Variants in DPP10 observed in about 807,000 individuals in gnomAD.
The protein encoded by DPP10 is inactive dipeptidyl peptidase 10.
DPP10 carries 33 observed loss-of-function variants against 120.9 expected under a neutral mutation model. The observed-to-expected ratio is 0.27, with a 90% confidence interval of 0.21 to 0.37. The LOEUF is 0.37. Ranked by LOEUF, DPP10 falls within the 10% of genes least tolerant of loss-of-function variation. The pLI is 1.00. For synonymous variants in DPP10, 337 were observed against 326.1 expected (o/e 1.03, Z -0.36); for missense variants, 816 against 942.8 (o/e 0.87, Z 1.76).
intron 1 of DPP10, among the ~76,000 whole-genome samples, chr2:114,679,885 A>G (rs1029949943): frequency 2.0e-5 from 3 of 152,000 alleles, no homozygotes; most frequent in Non-Finnish European, 4.4e-5. Flanking sequence ...TTCAGCATAG[A>G]AAACCTCTAG....
At chr2:115,179,938 T>G (rs2105133032) in intron 1 of DPP10, among the ~76,000 whole-genome samples, 1 of 152,348 alleles carries the variant, frequency 6.6e-6, no homozygotes, top group South Asian at 2.1e-4. Flanking sequence ...GTTATTTCTT[T>G]TAAGATTCTG....
intron 1 of DPP10, among the ~76,000 whole-genome samples, chr2:115,024,122 A>G (rs1280085949): frequency 6.6e-6 from 1 of 152,120 alleles, no homozygotes; most frequent in African/African-American, 2.4e-5. Flanking sequence ...TTATTCAGGT[A>G]ACCAAACACC....
chr2:114,810,911 T>C (rs1206105976), intron 1 of DPP10, among the ~76,000 whole-genome samples: 3 of 152,284 alleles, frequency 2.0e-5, no homozygotes, highest in South Asian at 4.1e-4. Flanking sequence ...GAAGACTCTT[T>C]GGATAACACA....
At chr2:114,965,343 G>T (rs1291834176) in intron 1 of DPP10, among the ~76,000 whole-genome samples, 1 of 151,976 alleles carries the variant, frequency 6.6e-6, no homozygotes, top group Non-Finnish European at 1.5e-5. Context: ...CACCATGTTG[G>T]CCAGGATGGT....
At chr2:115,316,836 G>C (rs989271746) in intron 2 of DPP10, among the ~76,000 whole-genome samples, 1 of 152,154 alleles carries the variant, frequency 6.6e-6, no homozygotes, top group Non-Finnish European at 1.5e-5. Flanking sequence ...GGTGGGGTTT[G>C]GTGGCTCATG....
chr2:115,274,941 G>A (rs12619497), intron 1 of DPP10, among the ~76,000 whole-genome samples: 5,516 of 152,114 alleles, frequency 0.036, 212 homozygotes, highest in East Asian at 0.19. Flanking sequence ...TCAGCACCTC[G>A]CACAGGGTTC....
chr2:114,928,539 A>G (rs952779997), intron 1 of DPP10, among the ~76,000 whole-genome samples: 2 of 152,132 alleles, frequency 1.3e-5, no homozygotes, highest in East Asian at 1.9e-4. Flanking sequence ...GCTGGGTGCA[A>G]TCCCCCTGGC....
At chr2:114,455,038 G>T (rs555541374) in intron 1 of DPP10, among the ~76,000 whole-genome samples, 6 of 152,104 alleles carry the variant, frequency 3.9e-5, no homozygotes, top group African/African-American at 1.4e-4. Context: ...TTCTTTCATA[G>T]TATTAATGTT....
chr2:115,027,967 T>G (rs1323158976), intron 1 of DPP10, among the ~76,000 whole-genome samples: 1 of 152,066 alleles, frequency 6.6e-6, no homozygotes, highest in Non-Finnish European at 1.5e-5. Context: ...CCTTTTTCAT[T>G]TCTAATTTTA....
chr2:115,789,145 G>T (rs1305489347), intron 17 of DPP10, among the ~76,000 whole-genome samples: 1 of 151,814 alleles, frequency 6.6e-6, no homozygotes, highest in African/African-American at 2.4e-5. Flanking sequence ...AAAAAATAAG[G>T]CGAGTATTGA....
At chr2:115,520,045 G>A (rs967583985) in intron 4 of DPP10, among the ~76,000 whole-genome samples, 3 of 152,158 alleles carry the variant, frequency 2.0e-5, no homozygotes, top group Admixed American at 1.3e-4. Context: ...ATGGCCGGGC[G>A]TCATGGCTCA....
At chr2:115,572,227 T>G (rs80151902) in intron 5 of DPP10, among the ~76,000 whole-genome samples, 2 of 149,866 alleles carry the variant, frequency 1.3e-5, no homozygotes, top group Admixed American at 6.7e-5. Context: ...TTTTTTTTTT[T>G]GCATCAATAT....
chr2:114,823,121 A>G (rs1300375052), intron 1 of DPP10, among the ~76,000 whole-genome samples: 2 of 152,202 alleles, frequency 1.3e-5, no homozygotes, highest in Non-Finnish European at 2.9e-5. Flanking sequence ...ATTGCTAATA[A>G]AGACATACCC....
At chr2:114,720,637 C>T (rs189930450) in intron 1 of DPP10, among the ~76,000 whole-genome samples, 46 of 152,322 alleles carry the variant, frequency 3.0e-4, no homozygotes, top group African/African-American at 9.6e-4. Flanking sequence ...GTGGAAAGAA[C>T]AATTGTCTAA....
chr2:114,663,340 T>C (rs550237790), intron 1 of DPP10, among the ~76,000 whole-genome samples: 1 of 150,180 alleles, frequency 6.7e-6, no homozygotes, highest in Non-Finnish European at 1.5e-5. Flanking sequence ...TGAGCTCTGG[T>C]TTATTGATTA....
intron 5 of DPP10, among the ~76,000 whole-genome samples, chr2:115,618,869 G>A (rs1321317993): frequency 6.6e-6 from 1 of 151,776 alleles, no homozygotes; most frequent in Non-Finnish European, 1.5e-5. Context: ...TACACCCTTT[G>A]CTGGAGTCTG....
chr2:115,794,973 A>G (rs956480941), intron 19 of DPP10, among the ~76,000 whole-genome samples: 1 of 152,158 alleles, frequency 6.6e-6, no homozygotes, highest in African/African-American at 2.4e-5. Flanking sequence ...CTTGAAGTCT[A>G]TAATAGTTAT....
intron 1 of DPP10, among the ~76,000 whole-genome samples, chr2:115,089,182 T>G (rs1253821481): frequency 6.6e-6 from 1 of 152,222 alleles, no homozygotes; most frequent in African/African-American, 2.4e-5. Context: ...TTCATTGTTT[T>G]TCTGAACATA....
intron 3 of DPP10, among the ~76,000 whole-genome samples, chr2:115,436,293 A>G (rs2071483766): frequency 6.6e-6 from 1 of 151,816 alleles, no homozygotes; most frequent in African/African-American, 2.4e-5. Flanking sequence ...ACTAAGTGCA[A>G]TAGATAAAAT....
Sources: allele counts gnomAD v4.1 joint callset (sites outside exome capture counted in the v4.1 genomes callset), GRCh38; gene constraint gnomAD v4.1.1; transcripts MANE v1.5; gene names NCBI Gene and HGNC (gene_info 2026-07-23, HGNC 2026-07-21).